The following PKHD1 variants were observed in gnomAD, a reference collection of about 807,000 sequenced individuals.
PKHD1 encodes the protein fibrocystin.
A neutral mutation model predicts 412.0 loss-of-function variants in PKHD1; 291 were observed. That is an observed-to-expected ratio of 0.71 (90% confidence interval 0.64 to 0.78). PKHD1 has a LOEUF of 0.78. PKHD1 is among the 30% of genes least tolerant of loss of function. The probability of loss-of-function intolerance (pLI) is 0.00; values close to 1 mark genes in which losing one functional copy is unlikely to be tolerated. For missense variants in PKHD1, 4,825 were observed against 4,950.7 expected (o/e 0.97, Z 0.76); for synonymous variants, 1,777 against 1,821.5 (o/e 0.98, Z 0.62).
At chr6:51,749,708 CT>C (rs1785775697) in intron 57 of PKHD1, among the ~76,000 whole-genome samples, 1 of 152,122 alleles carries the variant, frequency 6.6e-6, no homozygotes, top group African/African-American at 2.4e-5. Context: ...AACTAACAAA[CT>C]AGGACTTAAA....
rs115505653 is a variant in PKHD1, at chr6:51,674,462, T to C, written c.10157-14493A>G. On this transcript the variant is annotated intron_variant, in intron 60 of 66. Coordinates refer to ENST00000371117, the MANE Select transcript of PKHD1 (RefSeq NM_138694.4). ...TTCTTTTCTTCCTTCTCTACTTCCC[T>C]TCCCTAAAACTTTCTAATAGCAAGT... Among the ~76,000 whole-genome samples the C allele has an allele frequency of 2.4e-3, 370 of 152,296 alleles. 1 individual carries two copies. The highest frequency in any genetic ancestry group is 6.0e-3 in the African/African-American group (250 of 41,562).
intron 48 of PKHD1, among the ~76,000 whole-genome samples, chr6:51,859,539 A>AT (rs1773866279): frequency 6.6e-6 from 1 of 151,562 alleles, no homozygotes; most frequent in Non-Finnish European, 1.5e-5. Context: ...AAAAAAAAAA[A>AT]AAAATTACCT....
rs887532855 is a variant in PKHD1 at position 51,616,908 on chromosome 6, T to A, written c.*2173A>T. The A allele has an allele frequency of 5.3e-6, 2 of 380,776 alleles. No individual in the cohort carries two copies. Among genetic ancestry groups the A allele is most frequent in the Admixed American group, 4.5e-5 (1 of 22,152 alleles). The allele number at this position is 380,776 out of a possible 1,614,324, so 23.6% of individuals were successfully genotyped here. A position where few individuals can be genotyped will look rare whatever the true frequency, so the allele number is the denominator to read the frequency against. On this transcript the variant is annotated 3_prime_UTR_variant, in exon 67 of 67. Coordinates refer to ENST00000371117, the MANE Select transcript of PKHD1 (RefSeq NM_138694.4). The stretch of plus-strand genomic sequence containing the variant: ...AATAGAATGAAGAGTCATGACTGAC[T>A]TCTAGATTTCTGGTCTGAGTGCAGT...
rs1159946520 is a variant in PKHD1, at chr6:52,082,241, T to C, written c.281+151A>G. The C allele has an allele frequency of 2.7e-5, 21 of 780,246 alleles. No individual in the cohort carries two copies. In the East Asian group the frequency reaches 5.2e-4, roughly 19 times the overall value. The allele number at this position is 780,246 out of a possible 1,614,324, so 48.3% of individuals were successfully genotyped here. A position where few individuals can be genotyped will look rare whatever the true frequency, so the allele number is the denominator to read the frequency against. On this transcript the variant is annotated intron_variant, in intron 4 of 66. Coordinates refer to ENST00000371117, the MANE Select transcript of PKHD1 (RefSeq NM_138694.4). The stretch of plus-strand genomic sequence containing the variant: ...AGTTCTAGACCCCAGATAGGGACCT[T>C]TTAGAAAGCATATTCACATGAAACT...
At chr6:51,977,890 A>G (rs963202439) in intron 35 of PKHD1, among the ~76,000 whole-genome samples, 3 of 152,172 alleles carry the variant, frequency 2.0e-5, no homozygotes, top group African/African-American at 7.2e-5. Flanking sequence ...TGTAGATCCC[A>G]CCAAAGGGAA....
chr6:51,968,119 CT>C (rs1793109938), intron 35 of PKHD1, among the ~76,000 whole-genome samples: 1 of 152,108 alleles, frequency 6.6e-6, no homozygotes, highest in Non-Finnish European at 1.5e-5. Flanking sequence ...TGAAAACCAG[CT>C]TATGAGCTTC....
chr6:51,849,736 G>C (rs1438716031), intron 49 of PKHD1, among the ~76,000 whole-genome samples: 2 of 151,976 alleles, frequency 1.3e-5, no homozygotes, highest in African/African-American at 4.8e-5. Flanking sequence ...TTTTTGATGG[G>C]GTTGTTTGTC....
At chr6:52,054,957 G>T (rs1336949955) in intron 19 of PKHD1, among the ~76,000 whole-genome samples, 1 of 152,180 alleles carries the variant, frequency 6.6e-6, no homozygotes, top group Admixed American at 6.5e-5. Flanking sequence ...CACCACTCCA[G>T]CAAAACTCAC....
intron 36 of PKHD1, among the ~76,000 whole-genome samples, chr6:51,955,293 A>T (rs574609566): frequency 6.6e-6 from 1 of 152,156 alleles, no homozygotes; most frequent in South Asian, 2.1e-4. Flanking sequence ...ATTAAAATAA[A>T]ATAATAAATG....
chr6:51,947,457 T>G (rs538447285), intron 36 of PKHD1, among the ~76,000 whole-genome samples: 2 of 152,350 alleles, frequency 1.3e-5, no homozygotes, highest in South Asian at 4.1e-4. Flanking sequence ...AACCTTTGTC[T>G]TTCCTTCACC....
chr6:51,831,432 T>C (rs537962041), intron 51 of PKHD1, among the ~76,000 whole-genome samples: 7 of 152,328 alleles, frequency 4.6e-5, no homozygotes, highest in African/African-American at 1.7e-4. Flanking sequence ...TAGCCTATTT[T>C]CCTATGCATT....
intron 2 of PKHD1, 137 bp from the exon 3 acceptor site, chr6:52,083,392 C>T (rs1812321265): frequency 1.4e-6 from 1 of 708,986 alleles, no homozygotes; most frequent in African/African-American, 1.8e-5. Flanking sequence ...TGCACCACAT[C>T]CCCAGAGTTT....
At chr6:52,013,583 G>T (rs1800070514) in intron 34 of PKHD1, among the ~76,000 whole-genome samples, 1 of 152,008 alleles carries the variant, frequency 6.6e-6, no homozygotes, top group Non-Finnish European at 1.5e-5. Context: ...ATAAATATAA[G>T]CATATATATA....
At chr6:51,931,519 G>A (rs1210545550) in intron 37 of PKHD1, among the ~76,000 whole-genome samples, 1 of 152,240 alleles carries the variant, frequency 6.6e-6, no homozygotes, top group South Asian at 2.1e-4. Context: ...ACCTCAGGTG[G>A]TGAGGGAGAA....
intron 60 of PKHD1, among the ~76,000 whole-genome samples, chr6:51,665,067 G>T (rs1169588354): frequency 6.6e-6 from 1 of 151,666 alleles, no homozygotes; most frequent in Non-Finnish European, 1.5e-5. Flanking sequence ...TACTTCTTTG[G>T]TTCAGATCTT....
chr6:51,783,369 A>C (rs1792332438), intron 53 of PKHD1, among the ~76,000 whole-genome samples: 1 of 60,874 alleles, frequency 1.6e-5, no homozygotes, highest in Non-Finnish European at 4.1e-5. Flanking sequence ...AAATTATATA[A>C]ATTTATTATT....
At chr6:51,660,109 C>A (rs997153223) in intron 60 of PKHD1, 140 bp from the exon 61 acceptor site, 2 of 565,178 alleles carry the variant, frequency 3.5e-6, no homozygotes, top group Non-Finnish European at 6.1e-6. Flanking sequence ...ACTGAGAGTG[C>A]AAGGAAGATT....
intron 35 of PKHD1, among the ~76,000 whole-genome samples, chr6:51,961,449 TC>T (rs1792011827): frequency 6.6e-6 from 1 of 152,054 alleles, no homozygotes; most frequent in Admixed American, 6.6e-5. Context: ...AGTTCCAGTA[TC>T]ACAGAAAAAA....
At chr6:51,772,833 A>C (rs748292865) in intron 54 of PKHD1, 44 bp from the exon 55 acceptor site, 1 of 1,069,446 alleles carries the variant, frequency 9.4e-7, no homozygotes, top group Non-Finnish European at 1.5e-6. Context: ...AATCCTTCAG[A>C]GGAATGAAAG....
Sources: gnomAD v4.1 joint callset for allele counts (sites outside exome capture counted in the v4.1 genomes callset) on GRCh38, gnomAD v4.1.1 for gene constraint, MANE v1.5 for transcripts, NCBI Gene and HGNC (gene_info 2026-07-23, HGNC 2026-07-21) for gene names.